Variants in TBCC observed in about 807,000 individuals in gnomAD.
TBCC encodes the protein tubulin folding cofactor C, also known as tubulin-specific chaperone C.
TBCC carries 25 observed loss-of-function variants against 25.3 expected under a neutral mutation model. The ratio of observed to expected loss-of-function variants is 0.99; its 90% CI spans 0.72 to 1.38. The LOEUF is 1.38. TBCC is among the 40% of genes most tolerant of loss of function. The pLI is 0.00. For missense variants in TBCC, 507 were observed against 447.2 expected (o/e 1.13, Z -1.21); for synonymous variants, 226 against 192.8 (o/e 1.17, Z -1.43).
At position 42,745,460 on chromosome 6, in the gene TBCC, T is replaced by C; in HGVS notation, c.614A>G (p.Asp205Gly). 1 of 1,613,880 alleles carries C rather than the reference T, an allele frequency of 6.2e-7. No homozygotes were observed. Among genetic ancestry groups the C allele is most frequent in the East Asian group, 2.2e-5 (1 of 44,880 alleles). Residue 205 changes from aspartate (D) to glycine (G), a missense_variant, in exon 1 of 1, where the codon GAC (aspartate) becomes GGC (glycine). Asp to Gly is a moderately conservative substitution (Grantham distance 94). Transcript: ENST00000372876. The surrounding 1 kb of genome is among the most constrained non-coding windows in gnomAD (Gnocchi z 4.2). ...EKRASELHQRDVLLTELSNCT... is the reference protein window; with the variant it reads ...EKRASELHQRGVLLTELSNCT... The stretch of plus-strand genomic sequence containing the variant: ...GTTGCTCAGTTCGGTCAAAAGAACG[T>C]CGCGCTGGTGCAACTCGCTGGCTCT...
In TBCC at chr6:42,746,017, C is replaced by G. The variant is rs1208498314; in HGVS notation, c.57G>C (p.Gln19His). The part of the protein sequence containing the change: ...AAVRTGDMES[Q>H]RDLSLVPERL... ...GCTCAGGCACCAGGCTCAGGTCCCG[C>G]TGGGACTCCATGTCTCCGGTCCTGA... The change falls in exon 1 of 1, where the codon CAG (glutamine) becomes CAC (histidine). Residue 19 changes from glutamine to histidine, a missense_variant. Physicochemically the swap from Gln to His is conservative, Grantham distance 24 (BLOSUM62 0). Transcript: ENST00000372876. 2 of 1,614,100 alleles carry G rather than the reference C, an allele frequency of 1.2e-6. No individual in the cohort carries two copies. Among genetic ancestry groups the G allele is most frequent in the Non-Finnish European group, 1.7e-6 (2 of 1,180,060 alleles).
At position 42,745,612 on chromosome 6, in the gene TBCC, C is replaced by T; in HGVS notation, c.462G>A (p.Ala154=). ...KDAASSTKVD[A]APGIPPAVES... ...CAACTGCCGGGGGGATGCCAGGAGC[C>T]GCGTCTACTTTGGTAGACGAAGCAG... is the stretch of plus-strand genomic sequence containing the variant. The change falls in exon 1 of 1, where the codon GCG becomes GCA. Residue 154 remains alanine, a synonymous_variant. Transcript: ENST00000372876. This position sits in a 1 kb window ranked among gnomAD's most constrained non-coding sequence, Gnocchi z 4.2. The T allele has an allele frequency of 6.2e-7, 1 of 1,611,890 alleles. No homozygotes were observed. Among genetic ancestry groups the T allele is most frequent in the Non-Finnish European group, 8.5e-7 (1 of 1,178,464 alleles).
Position 42,745,431 on chromosome 6 carries a change from T to C in TBCC, c.643A>G (p.Thr215Ala), listed in dbSNP as rs1457537580. The change falls in exon 1 of 1, where the codon ACG becomes GCG. Residue 215 changes from threonine (T) to alanine (A), a missense_variant. Physicochemically the swap from Thr to Ala is moderately conservative, Grantham distance 58 (BLOSUM62 0). Coordinates refer to ENST00000372876, the MANE Select transcript of TBCC (RefSeq NM_003192.3). The surrounding 1 kb of genome is among the most constrained non-coding windows in gnomAD (Gnocchi z 4.2). ...TTGGGATTTCCATACAGTCTGACCG[T>C]GCAGTTGCTCAGTTCGGTCAAAAGA... ...DVLLTELSNC[T>A]VRLYGNPNTL... 3.1e-6 allele frequency: 5 copies of C among 1,614,208 alleles called. No homozygotes were observed. Among genetic ancestry groups the C allele is most frequent in the Non-Finnish European group, 4.2e-6 (5 of 1,180,040 alleles).
rs1168178017 is a variant in TBCC at position 42,745,185 on chromosome 6, G to A, written c.889C>T (p.Pro297Ser). Residue 297 changes from proline (P) to serine (S), a missense_variant, in exon 1 of 1, where the codon CCG becomes TCG. Transcript: ENST00000372876. This position sits in a 1 kb window ranked among gnomAD's most constrained non-coding sequence, Gnocchi z 4.2. The stretch of plus-strand genomic sequence containing the variant: ...CTCTCGAAGTCCTTGTCGATCTCCG[G>A]GTAGCTCCAGGTGTAAGGGGCGAAC... ...IQFAPYTWSYPEIDKDFESSG... is the reference protein window; with the variant it reads ...IQFAPYTWSYSEIDKDFESSG... 2.5e-6 allele frequency: 4 copies of A among 1,614,136 alleles called. No homozygotes were observed. The highest frequency in any genetic ancestry group is 3.4e-6 in the Non-Finnish European group (4 of 1,180,018).
chr6:42,745,067 A>ACT lies in TBCC; in HGVS notation c.1006_1007insAG (p.Leu336GlnfsTer129). 6.2e-7 allele frequency: 1 copy of ACT among 1,614,196 alleles called. No homozygotes were observed. Among genetic ancestry groups the ACT allele is most frequent in the Non-Finnish European group, 8.5e-7 (1 of 1,180,026 alleles). ...CTGGATATTTCGCTCCTCTTCAGGA[A>ACT]GAATACTCCAGTTTGGGGAGGCCAT... On this transcript the variant is annotated frameshift_variant, in exon 1 of 1. Transcript: ENST00000372876. LOFTEE classifies it high-confidence loss of function. The surrounding 1 kb of genome is among the most constrained non-coding windows in gnomAD (Gnocchi z 4.2).
rs1362178123 is a variant in TBCC, at chr6:42,744,953, A to C, written c.*80T>G. 19 of 1,338,454 alleles carry C rather than the reference A, an allele frequency of 1.4e-5. No individual in the cohort carries two copies. Among genetic ancestry groups the C allele is most frequent in the Admixed American group, 2.1e-5 (1 of 48,130 alleles). 82.9% of individuals were successfully genotyped at this position (1,338,454 alleles called of 1,614,324 possible). A position where few individuals can be genotyped will look rare whatever the true frequency, so the allele number is the denominator to read the frequency against. On this transcript the variant is annotated 3_prime_UTR_variant, in exon 1 of 1. Coordinates refer to ENST00000372876, the MANE Select transcript of TBCC (RefSeq NM_003192.3). ...TGAAAACATACACAGTGTGACAATA[A>C]GTAAACTTCGAGACCCAATAAGGGG...
chr6:42,745,716 G>A lies in TBCC; in HGVS notation c.358C>T (p.Leu120=), dbSNP rs1471515034. 4 of 1,612,982 alleles carry A rather than the reference G, an allele frequency of 2.5e-6. No individual in the cohort carries two copies. Among genetic ancestry groups the A allele is most frequent in the East Asian group, 2.2e-5 (1 of 44,868 alleles). Residue 120 remains leucine (L), a synonymous_variant, in exon 1 of 1, where the codon CTG becomes TTG. Coordinates refer to ENST00000372876, the MANE Select transcript of TBCC (RefSeq NM_003192.3). This position sits in a 1 kb window ranked among gnomAD's most constrained non-coding sequence, Gnocchi z 4.2. ...LRQGQEALAR[L]QAALAERRRG... ...CGCCGCTCGGCCAAGGCCGCCTGCA[G>A]CCGCGCCAGCGCCTCTTGTCCCTGC... is the stretch of plus-strand genomic sequence containing the variant.
Position 42,745,288 on chromosome 6 carries a change from G to A in TBCC, c.786C>T (p.Arg262=). 1 of 1,614,252 alleles carries A rather than the reference G, an allele frequency of 6.2e-7. No homozygotes were observed. Among genetic ancestry groups the A allele is most frequent in the Non-Finnish European group, 8.5e-7 (1 of 1,180,042 alleles). Residue 262 remains arginine, a synonymous_variant, in exon 1 of 1, where the codon CGC becomes CGT. Coordinates refer to ENST00000372876, the MANE Select transcript of TBCC (RefSeq NM_003192.3). The surrounding 1 kb of genome is among the most constrained non-coding windows in gnomAD (Gnocchi z 4.2). ...TGCGGGTGTCTTTCGTACTGTGTAT[G>A]CGGAGCTGTTGGCAGGCCACTGCCA... ...CVLAVACQQL[R]IHSTKDTRIF...
chr6:42,745,139 T>C lies in TBCC; in HGVS notation c.935A>G (p.Lys312Arg). ...ATCGTCAACATCGTTCCAGTTATTTTTGCTCCTATCTAAACCAGAGCTCTC... is the reference window on the plus strand; with the variant it reads ...ATCGTCAACATCGTTCCAGTTATTTCTGCTCCTATCTAAACCAGAGCTCTC... Reference protein sequence around the residue: ...DFESSGLDRSKNNWNDVDDFN... With the variant: ...DFESSGLDRSRNNWNDVDDFN... The change falls in exon 1 of 1, where the codon AAA becomes AGA. Residue 312 changes from lysine (K) to arginine (R), a missense_variant. Transcript: ENST00000372876. The surrounding 1 kb of genome is among the most constrained non-coding windows in gnomAD (Gnocchi z 4.2). The C allele has an allele frequency of 6.2e-7, 1 of 1,614,232 alleles. No homozygotes were observed. The highest frequency in any genetic ancestry group is 8.5e-7 in the Non-Finnish European group (1 of 1,180,042).
rs955507231 is a variant in TBCC at position 42,745,979 on chromosome 6, C to T, written c.95G>A (p.Arg32His). 1.2e-5 allele frequency: 19 copies of T among 1,614,098 alleles called. No individual in the cohort carries two copies. The highest frequency in any genetic ancestry group is 1.6e-5 in the Non-Finnish European group (19 of 1,180,048). The change falls in exon 1 of 1, where the codon CGC becomes CAC. Residue 32 changes from arginine (R) to histidine (H), a missense_variant. Coordinates refer to ENST00000372876, the MANE Select transcript of TBCC (RefSeq NM_003192.3). This position sits in a 1 kb window ranked among gnomAD's most constrained non-coding sequence, Gnocchi z 4.2. ...LSLVPERLQR[R>H]EQERQLEVER... ...AACTTCCAGCTGCCGTTCTTGTTCG[C>T]GTCTCTGAAGCCGCTCAGGCACCAG...
rs1160678974 is a variant in TBCC at position 42,745,019 on chromosome 6, A to C, written c.*14T>G. 1 of 1,607,776 alleles carries C rather than the reference A, an allele frequency of 6.2e-7. No individual in the cohort carries two copies. Among genetic ancestry groups the C allele is most frequent in the African/African-American group, 1.3e-5 (1 of 74,830 alleles). On this transcript the variant is annotated 3_prime_UTR_variant, in exon 1 of 1. Coordinates refer to ENST00000372876, the MANE Select transcript of TBCC (RefSeq NM_003192.3). The surrounding 1 kb of genome is among the most constrained non-coding windows in gnomAD (Gnocchi z 4.2). ...AAAGTATTTGGTAGGAGTGAAGAAC[A>C]GAGTGACAACTGCTTAGTCCCACTG...
Position 42,745,593 on chromosome 6 carries a change from C to A in TBCC, c.481G>T (p.Ala161Ser), listed in dbSNP as rs775372258. 1 of 1,611,376 alleles carries A rather than the reference C, an allele frequency of 6.2e-7. No individual in the cohort carries two copies. Among genetic ancestry groups the A allele is most frequent in the African/African-American group, 1.3e-5 (1 of 74,898 alleles). Residue 161 changes from alanine (A) to serine (S), a missense_variant, in exon 1 of 1, where the codon GCA becomes TCA. Coordinates refer to ENST00000372876, the MANE Select transcript of TBCC (RefSeq NM_003192.3). The surrounding 1 kb of genome is among the most constrained non-coding windows in gnomAD (Gnocchi z 4.2). ...KVDAAPGIPP[A>S]VESIQDSPLP... ...GGGGAGTCCTGTATGCTTTCAACTGCCGGGGGGATGCCAGGAGCCGCGTCT... is the reference window on the plus strand; with the variant it reads ...GGGGAGTCCTGTATGCTTTCAACTGACGGGGGGATGCCAGGAGCCGCGTCT...
At position 42,745,611 on chromosome 6, in the gene TBCC, C is replaced by G. The variant is rs1346570395; in HGVS notation, c.463G>C (p.Ala155Pro). The G allele has an allele frequency of 3.1e-6, 5 of 1,611,856 alleles. No individual in the cohort carries two copies. The highest frequency in any genetic ancestry group is 1.1e-5 in the South Asian group (1 of 91,030). Reference sequence around the variant, plus strand: ...TCAACTGCCGGGGGGATGCCAGGAGCCGCGTCTACTTTGGTAGACGAAGCA... The same window carrying G: ...TCAACTGCCGGGGGGATGCCAGGAGGCGCGTCTACTTTGGTAGACGAAGCA... ...DAASSTKVDAAPGIPPAVESI... is the reference protein window; with the variant it reads ...DAASSTKVDAPPGIPPAVESI... Residue 155 changes from alanine to proline, a missense_variant, in exon 1 of 1, where the codon GCT (alanine) becomes CCT (proline). Coordinates refer to ENST00000372876, the MANE Select transcript of TBCC (RefSeq NM_003192.3). The surrounding 1 kb of genome is among the most constrained non-coding windows in gnomAD (Gnocchi z 4.2).
chr6:42,746,077 G>T lies in TBCC; in HGVS notation c.-4C>A. ...CGGAGCAACTGACGGACTCCATATT[G>T]GCTTCAAGCTTCCTCTCTCTTGTCT... On this transcript the variant is annotated 5_prime_UTR_variant, in exon 1 of 1. Transcript: ENST00000372876. 6.2e-7 allele frequency: 1 copy of T among 1,607,732 alleles called. No homozygotes were observed. The highest frequency in any genetic ancestry group is 1.1e-5 in the South Asian group (1 of 90,926).
chr6:42,746,069 T>G lies in TBCC; in HGVS notation c.5A>C (p.Glu2Ala), dbSNP rs1762265934. The G allele has an allele frequency of 6.2e-7, 1 of 1,611,538 alleles. No homozygotes were observed. The highest frequency in any genetic ancestry group is 1.7e-5 in the Admixed American group (1 of 59,754). The change falls in exon 1 of 1, where the codon GAG becomes GCG. Residue 2 changes from glutamate to alanine, a missense_variant. Transcript: ENST00000372876. MESVSCSAAAVR... is the reference protein window; with the variant it reads MASVSCSAAAVR... ...AGCAGCAGCGGAGCAACTGACGGAC[T>G]CCATATTGGCTTCAAGCTTCCTCTC... is the stretch of plus-strand genomic sequence containing the variant.
Position 42,744,730 on chromosome 6 carries a change from A to G in TBCC, c.*303T>C, listed in dbSNP as rs1762227187. The G allele has an allele frequency of 5.2e-6, 1 of 191,580 alleles. No homozygotes were observed. 11.9% of individuals were successfully genotyped at this position (191,580 alleles called of 1,614,324 possible). A position where few individuals can be genotyped will look rare whatever the true frequency, so the allele number is the denominator to read the frequency against. On this transcript the variant is annotated 3_prime_UTR_variant, in exon 1 of 1. Transcript: ENST00000372876. ...AGAGCAGCCCGGACAACATGGCGAA[A>G]CCCCGTCTCTACTAAAAATACAAGT...
chr6:42,745,129 C>T lies in TBCC; in HGVS notation c.945G>A (p.Trp315Ter). The T allele has an allele frequency of 1.2e-6, 2 of 1,614,176 alleles. No homozygotes were observed. Among genetic ancestry groups the T allele is most frequent in the Non-Finnish European group, 1.7e-6 (2 of 1,180,038 alleles). ...SSGLDRSKNN[W>*]NDVDDFNWLA... ...GCCAGTTAAAATCGTCAACATCGTT[C>T]CAGTTATTTTTGCTCCTATCTAAAC... Residue 315 changes from tryptophan (W) to a stop codon, truncating the protein, a stop_gained, in exon 1 of 1, where the codon TGG becomes TGA. Transcript: ENST00000372876. LOFTEE classifies it high-confidence loss of function. This position sits in a 1 kb window ranked among gnomAD's most constrained non-coding sequence, Gnocchi z 4.2.
In TBCC at chr6:42,745,588, A is replaced by C. The variant is rs1762249772; in HGVS notation, c.486T>G (p.Val162=). 1 of 1,611,844 alleles carries C rather than the reference A, an allele frequency of 6.2e-7. No homozygotes were observed. The highest frequency in any genetic ancestry group is 8.5e-7 in the Non-Finnish European group (1 of 1,178,664). ...VDAAPGIPPA[V]ESIQDSPLPK... ...GCAGCGGGGAGTCCTGTATGCTTTCAACTGCCGGGGGGATGCCAGGAGCCG... is the reference window on the plus strand; with the variant it reads ...GCAGCGGGGAGTCCTGTATGCTTTCCACTGCCGGGGGGATGCCAGGAGCCG... Residue 162 remains valine (V), a synonymous_variant, in exon 1 of 1, where the codon GTT becomes GTG. Transcript: ENST00000372876. This position sits in a 1 kb window ranked among gnomAD's most constrained non-coding sequence, Gnocchi z 4.2.
In TBCC at chr6:42,745,633, A is replaced by G; in HGVS notation, c.441T>C (p.Ala147=). ...GAGCCGCGTCTACTTTGGTAGACGA[A>G]GCAGCATCCTTTCCCCGGGTCTTGA... ...FAFKTRGKDA[A]SSTKVDAAPG... Residue 147 remains alanine, a synonymous_variant, in exon 1 of 1, where the codon GCT becomes GCC. Coordinates refer to ENST00000372876, the MANE Select transcript of TBCC (RefSeq NM_003192.3). The surrounding 1 kb of genome is among the most constrained non-coding windows in gnomAD (Gnocchi z 4.2). The G allele has an allele frequency of 6.2e-7, 1 of 1,612,802 alleles. No individual in the cohort carries two copies. Among genetic ancestry groups the G allele is most frequent in the East Asian group, 2.2e-5 (1 of 44,854 alleles).
Sources: allele counts gnomAD v4.1 joint callset, GRCh38; gene constraint gnomAD v4.1.1; non-coding constraint Gnocchi (gnomAD v3.1); transcripts MANE v1.5; gene names NCBI Gene and HGNC (gene_info 2026-07-23, HGNC 2026-07-21).